PI4K2A: variants seen among roughly 807,000 people sequenced by gnomAD.
The protein encoded by PI4K2A is phosphatidylinositol 4-kinase type 2 alpha, also known as phosphatidylinositol 4-kinase type 2-alpha.
Under a neutral mutation model 55.0 loss-of-function variants are expected in PI4K2A, and 20 were observed. The ratio of observed to expected loss-of-function variants is 0.36; its 90% CI spans 0.26 to 0.53. The LOEUF is 0.53. PI4K2A is among the 20% of genes least tolerant of loss of function. The pLI is 0.91. For missense variants in PI4K2A, 463 were observed against 637.1 expected (o/e 0.73, Z 2.94); for synonymous variants, 235 against 258.5 (o/e 0.91, Z 0.87).
chr10:97,648,698 C>T lies in PI4K2A; in HGVS notation c.436-2243C>T, dbSNP rs148968753. Reference sequence around the variant, plus strand: ...TGCTTCAAGTTGCCTTTTGGTTTCCCTGTCCAGGGTCCGGAGGGTTACAGT... The same window carrying T: ...TGCTTCAAGTTGCCTTTTGGTTTCCTTGTCCAGGGTCCGGAGGGTTACAGT... On this transcript the variant is annotated intron_variant, in intron 1 of 8. Coordinates refer to ENST00000370631, the Ensembl canonical transcript of PI4K2A. 1.4e-3 allele frequency among the ~76,000 whole-genome samples: 217 copies of T among 152,310 alleles called. 1 individual carries two copies. Among genetic ancestry groups the T allele is most frequent in the Non-Finnish European group, 2.6e-3 (179 of 68,026 alleles).
chr10:97,665,588 TTTTA>T (rs749059603), intron 6 of PI4K2A, among the ~76,000 whole-genome samples: 2 of 151,392 alleles, frequency 1.3e-5, no homozygotes, highest in Non-Finnish European at 2.9e-5. Flanking sequence ...GCTATTTATT[TTTTA>T]TTTATTTATT....
intron 1 of PI4K2A, among the ~76,000 whole-genome samples, chr10:97,645,303 C>G (rs750036992): frequency 6.6e-6 from 1 of 151,966 alleles, no homozygotes; most frequent in East Asian, 1.9e-4. Context: ...TACATGGTAT[C>G]GAATAAGGCT....
At chr10:97,659,276 C>T (rs1212708308) in intron 4 of PI4K2A, among the ~76,000 whole-genome samples, 2 of 152,018 alleles carry the variant, frequency 1.3e-5, no homozygotes. Context: ...TCAAGCAGTC[C>T]TCCTACCTCA....
intron 8 of PI4K2A, 58 bp from the exon 9 acceptor site, chr10:97,673,523 G>A (rs2041646457): frequency 6.8e-7 from 1 of 1,477,946 alleles, no homozygotes. Context: ...TCTCCTTTCA[G>A]AGGCAGATCT....
chr10:97,652,488 A>G (rs1207259708), intron 2 of PI4K2A, among the ~76,000 whole-genome samples: 2 of 151,146 alleles, frequency 1.3e-5, no homozygotes, highest in East Asian at 1.9e-4. Flanking sequence ...TTTTGTAGAG[A>G]CAAGGTCTCC....
chr10:97,659,931 T>A lies in PI4K2A; in HGVS notation c.922+2957T>A, dbSNP rs1303798321. On this transcript the variant is annotated intron_variant, in intron 4 of 8. Transcript: ENST00000370631. ...TTCCTACTCCACCATCTTCCCAGAATCCTCTCTCTTAGAGTATTGATTTTT... is the reference window on the plus strand; with the variant it reads ...TTCCTACTCCACCATCTTCCCAGAAACCTCTCTCTTAGAGTATTGATTTTT... Among the ~76,000 whole-genome samples, 6 of 152,034 alleles carry A rather than the reference T, an allele frequency of 3.9e-5. No individual in the cohort carries two copies. In the East Asian group the frequency reaches 9.6e-4, roughly 24 times the overall value.
intron 6 of PI4K2A, among the ~76,000 whole-genome samples, chr10:97,665,279 C>CT (rs962222133): frequency 2.9e-4 from 42 of 146,172 alleles, no homozygotes; most frequent in East Asian, 6.0e-4. Flanking sequence ...TTTCTGAGGA[C>CT]TTTTTTTTTT....
chr10:97,667,158 C>T lies in PI4K2A; in HGVS notation c.1278+38C>T, dbSNP rs745973463. On this transcript the variant is annotated intron_variant, in intron 8 of 8. Transcript: ENST00000370631. ...CATCCTCCCAGTATCTTTGGCGTCT[C>T]TGGGAGTGTTGTGTGCTCAGGTTGA... 4 of 1,489,918 alleles carry T rather than the reference C, an allele frequency of 2.7e-6. No individual in the cohort carries two copies. The African/African-American group carries it at 5.5e-5, about 21-fold the overall frequency. The allele number at this position is 1,489,918 out of a possible 1,614,324, so 92.3% of individuals were successfully genotyped here.
intron 1 of PI4K2A, among the ~76,000 whole-genome samples, chr10:97,648,266 A>G (rs1488788783): frequency 6.6e-6 from 1 of 150,458 alleles, no homozygotes; most frequent in Non-Finnish European, 1.5e-5. Flanking sequence ...CTAATTTTGT[A>G]TTTTTAGTAG....
At chr10:97,672,773 C>T (rs1441502938) in intron 8 of PI4K2A, among the ~76,000 whole-genome samples, 1 of 116,588 alleles carries the variant, frequency 8.6e-6, no homozygotes, top group Non-Finnish European at 1.6e-5. Flanking sequence ...GCTCTGTTGC[C>T]CAGGCTGGAG....
rs1333557384 is a variant in PI4K2A at position 97,673,688 on chromosome 10, C to T, written c.1386C>T (p.Ser462=). 8 of 1,613,948 alleles carry T rather than the reference C, an allele frequency of 5.0e-6. No individual in the cohort carries two copies. In the African/African-American group the frequency reaches 5.3e-5, roughly 11 times the overall value. Reference sequence around the variant, plus strand: ...CCCGTTCCCACCAGCGGTCTTCTAGCGAGTCCTACACACAGAGCTTTCAGA... The same window carrying T: ...CCCGTTCCCACCAGCGGTCTTCTAGTGAGTCCTACACACAGAGCTTTCAGA... The change falls in exon 9 of 9, where the codon AGC becomes AGT. Residue 462 remains serine (S), a synonymous_variant. Transcript: ENST00000370631.
At chr10:97,658,256 C>CT (rs1353884917) in intron 4 of PI4K2A, among the ~76,000 whole-genome samples, 2 of 152,212 alleles carry the variant, frequency 1.3e-5, no homozygotes, top group Non-Finnish European at 2.9e-5. Flanking sequence ...TTTGACTACT[C>CT]TAAGTACCTC....
rs559415576 is a variant in PI4K2A at position 97,670,665 on chromosome 10, A to C, written c.1279-2916A>C. ...CAATTAAGTAAAAAAGAAATTTGTT[A>C]CCAATAGGGTAACAAATGACCCCTG... On this transcript the variant is annotated intron_variant, in intron 8 of 8. Coordinates refer to ENST00000370631, the Ensembl canonical transcript of PI4K2A. Among the ~76,000 whole-genome samples, 8 of 152,302 alleles carry C rather than the reference A, an allele frequency of 5.3e-5. No individual in the cohort carries two copies. The South Asian group carries it at 1.7e-3, about 32-fold the overall frequency.
At chr10:97,645,986 A>C (rs1177033407) in intron 1 of PI4K2A, among the ~76,000 whole-genome samples, 1 of 152,154 alleles carries the variant, frequency 6.6e-6, no homozygotes, top group Non-Finnish European at 1.5e-5. Context: ...CAGTTCTTAG[A>C]GTGTGGCCCA....
In PI4K2A at chr10:97,656,535, C is replaced by A; in HGVS notation, c.768+119C>A. On this transcript the variant is annotated intron_variant, in intron 3 of 8. Coordinates refer to ENST00000370631, the Ensembl canonical transcript of PI4K2A. The surrounding 1 kb of genome is among the most constrained non-coding windows in gnomAD (Gnocchi z 4.5). ...CACGTGAATAACCTGCCCTGAGGATCCTGTCTTCCTTATTTCTGTCAAGTG... is the reference window on the plus strand; with the variant it reads ...CACGTGAATAACCTGCCCTGAGGATACTGTCTTCCTTATTTCTGTCAAGTG... The A allele has an allele frequency of 1.0e-6, 1 of 962,908 alleles. No individual in the cohort carries two copies. Among genetic ancestry groups the A allele is most frequent in the Non-Finnish European group, 1.6e-6 (1 of 638,472 alleles). 59.6% of individuals were successfully genotyped at this position (962,908 alleles called of 1,614,324 possible).
chr10:97,657,637 T>A (rs1319170106), intron 4 of PI4K2A, among the ~76,000 whole-genome samples: 2 of 147,916 alleles, frequency 1.4e-5, no homozygotes, highest in Non-Finnish European at 3.0e-5. Flanking sequence ...CACTGCACTC[T>A]AACCTGGGTG....
At chr10:97,655,294 C>A (rs529100009) in intron 2 of PI4K2A, among the ~76,000 whole-genome samples, 13 of 143,634 alleles carry the variant, frequency 9.1e-5, no homozygotes, top group African/African-American at 3.1e-4. Context: ...TGCTTGAATG[C>A]GGGACTTGGA....
intron 2 of PI4K2A, among the ~76,000 whole-genome samples, chr10:97,651,483 A>G (rs1016488524): frequency 1.3e-5 from 2 of 152,188 alleles, no homozygotes; most frequent in African/African-American, 4.8e-5. Flanking sequence ...CTTCTGAGCC[A>G]TCCCAGCATT....
intron 8 of PI4K2A, among the ~76,000 whole-genome samples, chr10:97,669,126 A>G (rs2135762295): frequency 6.6e-6 from 1 of 152,302 alleles, no homozygotes; most frequent in African/African-American, 2.4e-5. Context: ...TCGGCCTCCC[A>G]AAGTGCTGGG....
Sources: allele counts gnomAD v4.1 joint callset (sites outside exome capture counted in the v4.1 genomes callset), GRCh38; gene constraint gnomAD v4.1.1; non-coding constraint Gnocchi (gnomAD v3.1); transcripts MANE v1.5; gene names NCBI Gene and HGNC (gene_info 2026-07-23, HGNC 2026-07-21).